Variants in RPTOR observed in about 807,000 individuals in gnomAD.
The protein encoded by RPTOR is regulatory-associated protein of mTOR.
RPTOR carries 21 observed loss-of-function variants against 169.9 expected under a neutral mutation model. The observed-to-expected ratio is 0.12, with a 90% CI of 0.09 to 0.18. The LOEUF (loss-of-function observed/expected upper bound fraction) is 0.18. Ranked by LOEUF, RPTOR falls within the 10% of genes least tolerant of loss-of-function variation. The pLI, the probability that RPTOR is intolerant of heterozygous loss-of-function variation, is 1.00. For missense variants in RPTOR, 1,133 were observed against 1,855.9 expected, an observed-to-expected ratio of 0.61 and a Z score of 7.16; for synonymous variants, 732 against 753.2, an observed-to-expected ratio of 0.97 and a Z score of 0.46.
At chr17:80,614,517 T>C (rs1257943521) in intron 1 of RPTOR, among the ~76,000 whole-genome samples, 2 of 152,240 alleles carry the variant, frequency 1.3e-5, no homozygotes, top group Non-Finnish European at 2.9e-5. Flanking sequence ...GAGGTTTTCC[T>C]GTTCAGATGG....
At chr17:80,831,396 C>A in intron 9 of RPTOR, among the ~76,000 whole-genome samples, 1 of 152,198 alleles carries the variant, frequency 6.6e-6, no homozygotes, top group African/African-American at 2.4e-5. Context: ...TCCACTCTGT[C>A]CTAGGCGTGT....
At chr17:80,553,332 C>T (rs1293140343) in intron 1 of RPTOR, among the ~76,000 whole-genome samples, 8 of 152,142 alleles carry the variant, frequency 5.3e-5, no homozygotes, top group African/African-American at 9.7e-5. Context: ...ACCGACAGGC[C>T]GCCTCTGGAT....
At chr17:80,634,991 C>T (rs1376152018) in intron 2 of RPTOR, among the ~76,000 whole-genome samples, 1 of 152,166 alleles carries the variant, frequency 6.6e-6, no homozygotes, top group Non-Finnish European at 1.5e-5. Flanking sequence ...CGTTTCTGTA[C>T]CTCTCTACAT....
chr17:80,961,246 T>A, intron 30 of RPTOR, 148 bp from the exon 31 acceptor site: 1 of 673,792 alleles, frequency 1.5e-6, no homozygotes, highest in South Asian at 2.0e-5. Context: ...TGACCCTGCG[T>A]GAGCACTAGC....
At position 80,625,741 on chromosome 17, in the gene RPTOR, C is replaced by T. The variant is rs1290279380; in HGVS notation, c.213C>T (p.Asp71=). The T allele has an allele frequency of 8.1e-6, 13 of 1,613,618 alleles. No homozygotes were observed. Among genetic ancestry groups the T allele is most frequent in the Admixed American group, 1.7e-5 (1 of 60,032 alleles). ...ALVLCLNVGV[D]PPDVVKTTPC... is the part of the protein sequence containing the mutation. The stretch of plus-strand genomic sequence containing the variant: ...TTTTGTGCCTGAATGTTGGTGTGGA[C>T]CCTCCCGATGTGGTGAAGACCACGC... Residue 71 remains aspartate (D), a synonymous_variant, in exon 2 of 34, where the codon GAC becomes GAT. Transcript: ENST00000306801.
intron 3 of RPTOR, among the ~76,000 whole-genome samples, chr17:80,685,628 T>TATATA (rs1491347361): frequency 2.2e-3 from 51 of 22,672 alleles, no homozygotes; most frequent in Non-Finnish European, 3.3e-3. Context: ...TATATATATA[T>TATATA]TTTTTTTTTT....
intron 29 of RPTOR, among the ~76,000 whole-genome samples, chr17:80,958,308 T>C (rs2069283365): frequency 6.6e-6 from 1 of 151,066 alleles, no homozygotes; most frequent in Non-Finnish European, 1.5e-5. Context: ...CCCAAGCTGG[T>C]CTCGAATTCC....
chr17:80,648,186 G>A (rs1030390592), intron 3 of RPTOR, among the ~76,000 whole-genome samples: 6 of 152,138 alleles, frequency 3.9e-5, no homozygotes, highest in African/African-American at 1.4e-4. Context: ...AGTTGTTTGT[G>A]TGCTTTTATG....
chr17:80,944,848 G>A (rs891224385), intron 25 of RPTOR, among the ~76,000 whole-genome samples: 24 of 152,234 alleles, frequency 1.6e-4, no homozygotes, highest in African/African-American at 5.8e-4. Context: ...AAAATTAGCT[G>A]GGCGTGGTGG....
At chr17:80,799,584 C>T (rs2067135196) in intron 7 of RPTOR, among the ~76,000 whole-genome samples, 1 of 152,204 alleles carries the variant, frequency 6.6e-6, no homozygotes, top group Admixed American at 6.5e-5. Context: ...CTGGGTCCCA[C>T]CTGACTAGTG....
chr17:80,959,951 CCCCTGCAGCCAGGGAGGGTGAT>C lies in RPTOR; in HGVS notation c.3478-123_3478-102del, dbSNP rs551990958. On this transcript the variant is annotated intron_variant, in intron 29 of 33. Transcript: ENST00000306801. This position sits in a 1 kb window ranked among gnomAD's most constrained non-coding sequence, Gnocchi z 6.7. ...ATGCTTCCCTGGATAGAGAGAAAGG[CCCCTGCAGCCAGGGAGGGTGAT>C]CCCCACAGCCAGGCAGGCAGCAAGA... is the stretch of plus-strand genomic sequence containing the variant. 2.6e-4 allele frequency: 293 copies of C among 1,138,194 alleles called. No individual in the cohort carries two copies. The highest frequency in any genetic ancestry group is 1.2e-3 in the Admixed American group (60 of 50,382). The allele number at this position is 1,138,194 out of a possible 1,614,324, so 70.5% of individuals were successfully genotyped here.
intron 25 of RPTOR, among the ~76,000 whole-genome samples, chr17:80,943,151 C>T (rs888273651): frequency 2.6e-5 from 4 of 152,222 alleles, no homozygotes; most frequent in Admixed American, 2.6e-4. Context: ...CCCGCAGACT[C>T]CGTGGCCCTG....
At chr17:80,733,175 T>G (rs545032361) in intron 5 of RPTOR, among the ~76,000 whole-genome samples, 4 of 152,270 alleles carry the variant, frequency 2.6e-5, no homozygotes, top group Non-Finnish European at 4.4e-5. Flanking sequence ...GTAGGTAGAG[T>G]AGAAGACGAC....
rs528858517 is a variant in RPTOR at position 80,760,755 on chromosome 17, G to A, written c.830+6570G>A. Reference sequence around the variant, plus strand: ...GTCTGCAGGTGACCTGGAGAAGGGCGATGCTCGGGAAGGTGGATTCCCTCC... The same window carrying A: ...GTCTGCAGGTGACCTGGAGAAGGGCAATGCTCGGGAAGGTGGATTCCCTCC... On this transcript the variant is annotated intron_variant, in intron 6 of 33. Transcript: ENST00000306801. Among the ~76,000 whole-genome samples, 12 of 152,332 alleles carry A rather than the reference G, an allele frequency of 7.9e-5. 1 individual carries two copies. The East Asian group carries it at 2.1e-3, about 27-fold the overall frequency.
In RPTOR at chr17:80,669,795, A is replaced by C. The variant is rs1035475060; in HGVS notation, c.348+25985A>C. On this transcript the variant is annotated intron_variant, in intron 3 of 33. Transcript: ENST00000306801. ...CACCAGGAGCTCTTCCCCTCTGTGG[A>C]TCATCTCTCTTTCCTCTTCCCTTCC... Among the ~76,000 whole-genome samples, 12 of 152,168 alleles carry C rather than the reference A, an allele frequency of 7.9e-5. No homozygotes were observed. In the East Asian group the frequency reaches 2.3e-3, roughly 29 times the overall value.
intron 21 of RPTOR, among the ~76,000 whole-genome samples, chr17:80,918,993 G>T (rs764529653): frequency 6.6e-6 from 1 of 152,158 alleles, no homozygotes; most frequent in African/African-American, 2.4e-5. Context: ...CCACACACCC[G>T]GGTCTGAGGA....
At chr17:80,644,707 A>G (rs1197465465) in intron 3 of RPTOR, among the ~76,000 whole-genome samples, 1 of 152,216 alleles carries the variant, frequency 6.6e-6, no homozygotes, top group Non-Finnish European at 1.5e-5. Flanking sequence ...TGGATCATTT[A>G]TCCACATGAT....
intron 4 of RPTOR, among the ~76,000 whole-genome samples, chr17:80,711,744 C>CTTTTTTTTTTTTTT (rs1226456124): frequency 0.046 from 4,054 of 88,356 alleles, 992 homozygotes; most frequent in African/African-American, 0.12. Context: ...ATACATCAGT[C>CTTTTTTTTTTTTTT]TTTTTTTTTT....
chr17:80,675,492 T>C (rs989612902), intron 3 of RPTOR, among the ~76,000 whole-genome samples: 9 of 152,210 alleles, frequency 5.9e-5, no homozygotes, highest in African/African-American at 2.2e-4. Context: ...GTGGGTTTAC[T>C]TTCGGGTAAA....
Sources: allele counts gnomAD v4.1 joint callset (sites outside exome capture counted in the v4.1 genomes callset), GRCh38; gene constraint gnomAD v4.1.1; non-coding constraint Gnocchi (gnomAD v3.1); transcripts MANE v1.5; gene names NCBI Gene and HGNC (gene_info 2026-07-23, HGNC 2026-07-21).